The following RASGRP1 variants were observed in gnomAD, a reference collection of about 807,000 sequenced individuals.
RASGRP1 encodes RAS guanyl-releasing protein 1.
Under a neutral mutation model 95.1 loss-of-function variants are expected in RASGRP1, and 37 were observed. That is an observed-to-expected ratio of 0.39 (90% CI 0.30 to 0.51). The LOEUF (loss-of-function observed/expected upper bound fraction) is 0.51. Ranked by LOEUF, RASGRP1 falls within the 20% of genes least tolerant of loss-of-function variation. The pLI is 0.80. For synonymous variants in RASGRP1, 325 were observed against 353.4 expected (o/e 0.92, Z 0.90); for missense variants, 711 against 965.4 (o/e 0.74, Z 3.49).
intron 14 of RASGRP1, among the ~76,000 whole-genome samples, chr15:38,499,684 G>A (rs555273524): frequency 1.3e-5 from 2 of 152,242 alleles, no homozygotes; most frequent in East Asian, 3.9e-4. Context: ...TTTTAGAGGT[G>A]GGACTCTAAG....
intron 14 of RASGRP1, 39 bp from the exon 15 acceptor site, chr15:38,498,985 T>C (rs1385475617): frequency 6.8e-6 from 11 of 1,613,438 alleles, no homozygotes; most frequent in Non-Finnish European, 9.3e-6. Context: ...GTCTTTCACT[T>C]TTCTCTCTTC....
Position 38,516,327 on chromosome 15 carries a change from T to G in RASGRP1, c.545A>C (p.Lys182Thr). The change falls in exon 6 of 17, where the codon AAA becomes ACA. Residue 182 changes from lysine to threonine, a missense_variant. Transcript: ENST00000310803. ...TQINARDWSRKLTQRIKSNTS... is the reference protein window; with the variant it reads ...TQINARDWSRTLTQRIKSNTS... ...ATTTGATTTTATCCTTTGAGTAAGTTTCCTGGACCAGTCACGGGCATTGCT... is the reference window on the plus strand; with the variant it reads ...ATTTGATTTTATCCTTTGAGTAAGTGTCCTGGACCAGTCACGGGCATTGCT... 6.2e-7 allele frequency: 1 copy of G among 1,611,356 alleles called. No individual in the cohort carries two copies. The highest frequency in any genetic ancestry group is 8.5e-7 in the Non-Finnish European group (1 of 1,177,550).
chr15:38,519,273 C>G, intron 4 of RASGRP1, 36 bp downstream of exon 4: 1 of 1,496,792 alleles, frequency 6.7e-7, no homozygotes, highest in East Asian at 2.3e-5. Flanking sequence ...TTTCACCTTG[C>G]TCCACAAAGT....
In RASGRP1 at chr15:38,503,182, C is replaced by T. The variant is rs116704076; in HGVS notation, c.1428+90G>A. 1.1e-3 allele frequency: 1,177 copies of T among 1,045,060 alleles called. 7 individuals are homozygous for T. In the African/African-American group the frequency reaches 0.017, roughly 15 times the overall value. 64.7% of individuals were successfully genotyped at this position (1,045,060 alleles called of 1,614,324 possible). ...TTCAAGTTTCGTGCCTTTACATTTC[C>T]ACCATTGTGCTTTCCTCTCCCTTTA... On this transcript the variant is annotated intron_variant, in intron 11 of 16. Transcript: ENST00000310803.
chr15:38,501,346 AG>A (rs780656904), intron 12 of RASGRP1, 59 bp from the exon 13 acceptor site: 15 of 1,577,708 alleles, frequency 9.5e-6, no homozygotes, highest in Admixed American at 1.7e-5. Context: ...GCAGGTAGCA[AG>A]GGGGGGCTTC....
At chr15:38,538,440 C>G (rs1241351929) in intron 2 of RASGRP1, among the ~76,000 whole-genome samples, 1 of 152,176 alleles carries the variant, frequency 6.6e-6, no homozygotes. Flanking sequence ...GGAAGAAATG[C>G]AGCATCTAAC....
At chr15:38,490,817 ATAGT>A in intron 16 of RASGRP1, 129 bp from the exon 17 acceptor site, 1 of 1,010,440 alleles carries the variant, frequency 9.9e-7, no homozygotes, top group South Asian at 1.7e-5. Flanking sequence ...CATTTTCAAG[ATAGT>A]TATTTTGCCC....
chr15:38,564,418 G>C (rs919306551), intron 1 of RASGRP1, among the ~76,000 whole-genome samples, 176 bp downstream of exon 1: 1 of 152,002 alleles, frequency 6.6e-6, no homozygotes, highest in Non-Finnish European at 1.5e-5. Flanking sequence ...AACCCCGGGC[G>C]CAGCGCGCCG....
At chr15:38,494,257 C>T in intron 16 of RASGRP1, 125 bp downstream of exon 16, 1 of 1,259,208 alleles carries the variant, frequency 7.9e-7, no homozygotes, top group African/African-American at 1.5e-5. Flanking sequence ...TTCTCCCCTC[C>T]TCCTTTTTTG....
Position 38,498,996 on chromosome 15 carries a change from C to G in RASGRP1, c.1721-50G>C, listed in dbSNP as rs759951525. 1.9e-6 allele frequency: 3 copies of G among 1,612,510 alleles called. No homozygotes were observed. In the East Asian group the frequency reaches 6.7e-5, roughly 36 times the overall value. The stretch of plus-strand genomic sequence containing the variant: ...AGAAGTCTTTCACTTTTCTCTCTTC[C>G]CCAGTGTGTCTCACAACCAAATTCA... On this transcript the variant is annotated intron_variant, in intron 14 of 16. Transcript: ENST00000310803.
At chr15:38,539,554 TTTTTTG>T (rs1892783712) in intron 2 of RASGRP1, among the ~76,000 whole-genome samples, 1 of 151,952 alleles carries the variant, frequency 6.6e-6, no homozygotes, top group Non-Finnish European at 1.5e-5. Flanking sequence ...TGCCGTTTTT[TTTTTTG>T]TTTTTATTTA....
chr15:38,492,883 C>T (rs1342114865), intron 16 of RASGRP1, among the ~76,000 whole-genome samples: 1 of 151,190 alleles, frequency 6.6e-6, no homozygotes, highest in Non-Finnish European at 1.5e-5. Flanking sequence ...CCTCCCCACC[C>T]GCTTTTTTTT....
chr15:38,488,350 G>C lies in RASGRP1; in HGVS notation c.*2204C>G, dbSNP rs751581623. ...ATAAATACCTGGCCAAACTAAAGTC[G>C]TGTGAGATGCAGAAATTTACACTAG... On this transcript the variant is annotated 3_prime_UTR_variant, in exon 17 of 17. Coordinates refer to ENST00000310803, the MANE Select transcript of RASGRP1 (RefSeq NM_005739.4). The C allele has an allele frequency of 6.6e-6, 1 of 150,906 alleles. No individual in the cohort carries two copies. The highest frequency in any genetic ancestry group is 1.5e-5 in the Non-Finnish European group (1 of 67,744). 9.3% of individuals were successfully genotyped at this position (150,906 alleles called of 1,614,324 possible).
Position 38,526,283 on chromosome 15 carries a change from C to G in RASGRP1, c.326+16G>C, listed in dbSNP as rs1249603878. ...GATCCCATTTTGGGATTGCCAGTCACTATGTTAAAGGATATAGGGTGATAA... is the reference window on the plus strand; with the variant it reads ...GATCCCATTTTGGGATTGCCAGTCAGTATGTTAAAGGATATAGGGTGATAA... On this transcript the variant is annotated intron_variant, in intron 3 of 16. Transcript: ENST00000310803. 1.3e-6 allele frequency: 2 copies of G among 1,594,134 alleles called. No individual in the cohort carries two copies. The highest frequency in any genetic ancestry group is 1.7e-6 in the Non-Finnish European group (2 of 1,162,988).
intron 2 of RASGRP1, among the ~76,000 whole-genome samples, chr15:38,540,544 T>G (rs988200742): frequency 9.2e-5 from 14 of 152,126 alleles, no homozygotes; most frequent in Admixed American, 2.0e-4. Context: ...ATTAAGACAG[T>G]TTTTAAGGAA....
rs775579841 is a variant in RASGRP1 at position 38,502,438 on chromosome 15, T to A, written c.1429-17A>T. On this transcript the variant is annotated splice_polypyrimidine_tract_variant and intron_variant, in intron 11 of 16. Coordinates refer to ENST00000310803, the MANE Select transcript of RASGRP1 (RefSeq NM_005739.4). ...GAAGACAGACTGTGAAAAAGGAGTT[T>A]TTTTGGTGATTACTAAAGAGAAACC... 1.4e-6 allele frequency: 2 copies of A among 1,477,118 alleles called. No homozygotes were observed. The highest frequency in any genetic ancestry group is 9.4e-7 in the Non-Finnish European group (1 of 1,059,650). The allele number at this position is 1,477,118 out of a possible 1,614,324, so 91.5% of individuals were successfully genotyped here.
At chr15:38,490,747 A>G in intron 16 of RASGRP1, 59 bp from the exon 17 acceptor site, 1 of 1,498,026 alleles carries the variant, frequency 6.7e-7, no homozygotes. Flanking sequence ...CAAATGAATT[A>G]CAAATTGAGA....
chr15:38,504,395 C>T lies in RASGRP1; in HGVS notation c.1324-1019G>A, dbSNP rs532405167. On this transcript the variant is annotated intron_variant, in intron 10 of 16. Transcript: ENST00000310803. The stretch of plus-strand genomic sequence containing the variant: ...AGCTTATAGCTGTACCAGTTATTTC[C>T]TTTATAGCCATATTCTATAAACTTT... The T allele has an allele frequency of 7.9e-5, 12 of 152,188 alleles. No homozygotes were observed. The East Asian group carries it at 1.5e-3, about 20-fold the overall frequency. 9.4% of individuals were successfully genotyped at this position (152,188 alleles called of 1,614,324 possible).
intron 16 of RASGRP1, among the ~76,000 whole-genome samples, chr15:38,493,535 T>C (rs74958925): frequency 0.1 from 15,579 of 152,178 alleles, 1,071 homozygotes; most frequent in East Asian, 0.31. Context: ...GTTTCCAAAC[T>C]CTTGGTCTCC....
Sources: gnomAD v4.1 joint callset for allele counts (sites outside exome capture counted in the v4.1 genomes callset) on GRCh38, gnomAD v4.1.1 for gene constraint, MANE v1.5 for transcripts, NCBI Gene and HGNC (gene_info 2026-07-23, HGNC 2026-07-21) for gene names.